The following NAV1 variants were observed in gnomAD, a reference collection of about 807,000 sequenced individuals.
NAV1 encodes the protein pore membrane and/or filament interacting like protein 3.
NAV1 carries 18 observed loss-of-function variants against 175.2 expected under a neutral mutation model. The observed-to-expected ratio is 0.10, with a 90% CI of 0.07 to 0.15. NAV1 has a LOEUF of 0.15. Ranked by LOEUF, NAV1 falls within the 10% of genes least tolerant of loss-of-function variation. The probability of loss-of-function intolerance (pLI) is 1.00; values close to 1 mark genes in which losing one functional copy is unlikely to be tolerated. For missense variants in NAV1, 1,731 were observed against 2,436.6 expected (o/e 0.71, Z 6.10); for synonymous variants, 897 against 978.7 (o/e 0.92, Z 1.56).
Position 201,782,111 on chromosome 1 carries a change from A to G in NAV1, c.1664-65A>G, listed in dbSNP as rs1025039088. 7.1e-7 allele frequency: 1 copy of G among 1,409,234 alleles called. No individual in the cohort carries two copies. Among genetic ancestry groups the G allele is most frequent in the East Asian group, 2.3e-5 (1 of 43,468 alleles). The allele number at this position is 1,409,234 out of a possible 1,614,324, so 87.3% of individuals were successfully genotyped here. ...GTTCCCTTCTCCCATGGAGGGAAAGAAAAGGGTGGGTTTTTAAGATACTGG... is the reference window on the plus strand; with the variant it reads ...GTTCCCTTCTCCCATGGAGGGAAAGGAAAGGGTGGGTTTTTAAGATACTGG... On this transcript the variant is annotated intron_variant, in intron 5 of 29. Transcript: ENST00000367296. This position sits in a 1 kb window ranked among gnomAD's most constrained non-coding sequence, Gnocchi z 5.4.
chr1:201,804,427 A>T, intron 16 of NAV1, 62 bp from the exon 21 acceptor site: 1 of 1,487,100 alleles, frequency 6.7e-7, no homozygotes, highest in Non-Finnish European at 9.1e-7. Context: ...ATGAGTGATT[A>T]AGTGTTGATT....
At chr1:201,679,062 C>T (rs969029192) in intron 1 of NAV1, among the ~76,000 whole-genome samples, 23 of 152,128 alleles carry the variant, frequency 1.5e-4, no homozygotes, top group African/African-American at 5.6e-4. Context: ...GGGGAGACAG[C>T]AATGTGCAGG....
chr1:201,576,923 T>G (rs2102184656), intron 1 of NAV1, among the ~76,000 whole-genome samples: 1 of 152,356 alleles, frequency 6.6e-6, no homozygotes, highest in Non-Finnish European at 1.5e-5. Context: ...TTTAGACATC[T>G]CTTTGGTGCT....
chr1:201,768,003 A>G (rs1448689941), intron 3 of NAV1, among the ~76,000 whole-genome samples: 2 of 152,082 alleles, frequency 1.3e-5, no homozygotes, highest in Non-Finnish European at 2.9e-5. Flanking sequence ...TTTGACTTGG[A>G]TTTTTGTAAC....
At chr1:201,630,965 G>A (rs867295122) in intron 2 of NAV1, among the ~76,000 whole-genome samples, 5 of 152,142 alleles carry the variant, frequency 3.3e-5, no homozygotes, top group East Asian at 1.9e-4. Flanking sequence ...TACTTTTAAC[G>A]TCTGTTGCAG....
Position 201,674,356 on chromosome 1 carries a change from G to C in NAV1, c.757+24931G>C, listed in dbSNP as rs193194621. On this transcript the variant is annotated intron_variant, in intron 1 of 29. Transcript: ENST00000367296. ...CGCACTACCCATGATTCTGTTCTGT[G>C]CCCTTCTTGGGTTCCTCCTGGAATG... Among the ~76,000 whole-genome samples the C allele has an allele frequency of 1.4e-3, 211 of 152,152 alleles. 2 individuals carry two copies. The highest frequency in any genetic ancestry group is 4.8e-3 in the African/African-American group (201 of 41,470).
At chr1:201,756,955 A>T (rs1674549402) in intron 3 of NAV1, among the ~76,000 whole-genome samples, 1 of 151,210 alleles carries the variant, frequency 6.6e-6, no homozygotes, top group Non-Finnish European at 1.5e-5. Flanking sequence ...TAGCCCCAAA[A>T]GTTTCCTTCT....
Position 201,788,376 on chromosome 1 carries a change from T to G in NAV1, c.2996-92T>G. 1 of 1,385,050 alleles carries G rather than the reference T, an allele frequency of 7.2e-7. No homozygotes were observed. The highest frequency in any genetic ancestry group is 1.0e-6 in the Non-Finnish European group (1 of 984,376). The allele number at this position is 1,385,050 out of a possible 1,614,324, so 85.8% of individuals were successfully genotyped here. A position where few individuals can be genotyped will look rare whatever the true frequency, so the allele number is the denominator to read the frequency against. On this transcript the variant is annotated intron_variant, in intron 9 of 29. Coordinates refer to ENST00000367296, the Ensembl canonical transcript of NAV1. The surrounding 1 kb of genome is among the most constrained non-coding windows in gnomAD (Gnocchi z 5.7). ...CATTTGCCTCTCATGCTCCCGGTGC[T>G]CCATCCCCCAAGGGCCCGGAGAGCT...
At chr1:201,558,958 G>A (rs543818356) in intron 1 of NAV1, among the ~76,000 whole-genome samples, 1 of 152,230 alleles carries the variant, frequency 6.6e-6, no homozygotes, top group Admixed American at 6.5e-5. Context: ...GGTGGGGGAA[G>A]TCAGAGGTAC....
intron 1 of NAV1, among the ~76,000 whole-genome samples, chr1:201,676,086 G>T: frequency 6.6e-6 from 1 of 152,116 alleles, no homozygotes; most frequent in Admixed American, 6.5e-5. Flanking sequence ...ATGCTGGCCG[G>T]TTCTGCTTCC....
chr1:201,690,120 A>G lies in NAV1; in HGVS notation c.758-22697A>G, dbSNP rs565800266. 5.6e-3 allele frequency among the ~76,000 whole-genome samples: 592 copies of G among 104,974 alleles called. 8 individuals carry two copies. Among genetic ancestry groups the G allele is most frequent in the African/African-American group, 0.022 (559 of 25,446 alleles). The allele number at this position is 104,974 out of a possible 152,430, so 68.9% of individuals were successfully genotyped here. A position where few individuals can be genotyped will look rare whatever the true frequency, so the allele number is the denominator to read the frequency against. ...GGCCTGTCCGTGGCAGAGTATGTCTATTTCCTCTCTGGCCTGTCCGTGGCA... is the reference window on the plus strand; with the variant it reads ...GGCCTGTCCGTGGCAGAGTATGTCTGTTTCCTCTCTGGCCTGTCCGTGGCA... On this transcript the variant is annotated intron_variant, in intron 1 of 29. Transcript: ENST00000367296.
intron 1 of NAV1, among the ~76,000 whole-genome samples, chr1:201,675,548 A>G (rs541356811): frequency 1.3e-5 from 2 of 152,360 alleles, no homozygotes; most frequent in Non-Finnish European, 2.9e-5. Flanking sequence ...ATTAACTTAC[A>G]ACAAAAAATG....
chr1:201,780,424 G>T (rs1165250322), exon 4 of NAV1: 1 of 1,614,052 alleles, frequency 6.2e-7, no homozygotes, highest in South Asian at 1.1e-5. Context: ...CCTGTAGCTG[G>T]GATGAAAGCA....
chr1:201,681,637 A>G (rs1413759160), intron 1 of NAV1, among the ~76,000 whole-genome samples: 1 of 152,164 alleles, frequency 6.6e-6, no homozygotes, highest in Non-Finnish European at 1.5e-5. Context: ...GGAAACACCT[A>G]CTTCCTCCAT....
intron 1 of NAV1, among the ~76,000 whole-genome samples, chr1:201,626,305 C>T (rs1045008823): frequency 6.6e-6 from 1 of 152,228 alleles, no homozygotes; most frequent in African/African-American, 2.4e-5. Context: ...CGCCCCAGCA[C>T]CTCAGCCTTC....
chr1:201,819,891 C>T lies in NAV1; in HGVS notation c.5593C>T (p.Arg1865Ter). Reference sequence around the variant, plus strand: ...TGCCAACTACATTGAGTCTCCAGATCGAGAAACCATCCTGGACCCCAACCT... The same window carrying T: ...TGCCAACTACATTGAGTCTCCAGATTGAGAAACCATCCTGGACCCCAACCT... The change falls in exon 30 of 30, where the codon CGA (arginine) becomes TGA (stop). Residue 1865 changes from arginine (R) to a stop codon, truncating the protein, a stop_gained. Coordinates refer to ENST00000367296, the Ensembl canonical transcript of NAV1. LOFTEE classifies it high-confidence loss of function. The T allele has an allele frequency of 1.9e-6, 3 of 1,614,088 alleles. No individual in the cohort carries two copies. The highest frequency in any genetic ancestry group is 1.7e-6 in the Non-Finnish European group (2 of 1,179,980).
chr1:201,668,222 T>C (rs541258557), intron 1 of NAV1, among the ~76,000 whole-genome samples: 2 of 152,148 alleles, frequency 1.3e-5, no homozygotes, highest in African/African-American at 4.8e-5. Flanking sequence ...CAGCCCCAGA[T>C]CTAGGAGGCT....
At chr1:201,670,914 A>G (rs1051355157) in intron 1 of NAV1, among the ~76,000 whole-genome samples, 1 of 152,026 alleles carries the variant, frequency 6.6e-6, no homozygotes, top group African/African-American at 2.4e-5. Flanking sequence ...TGATGATGGC[A>G]GCAATGATGG....
intron 1 of NAV1, among the ~76,000 whole-genome samples, chr1:201,542,886 C>T (rs192520091): frequency 2.0e-4 from 30 of 152,334 alleles, no homozygotes; most frequent in Non-Finnish European, 2.8e-4. Flanking sequence ...GCTCTGAAAG[C>T]TTTCATAAAT....
Sources: allele counts gnomAD v4.1 joint callset (sites outside exome capture counted in the v4.1 genomes callset), GRCh38; gene constraint gnomAD v4.1.1; non-coding constraint Gnocchi (gnomAD v3.1); transcripts MANE v1.5; gene names NCBI Gene and HGNC (gene_info 2026-07-23, HGNC 2026-07-21).